Variants in SORCS2 observed in about 807,000 individuals in gnomAD.
SORCS2 encodes VPS10 domain-containing receptor SorCS2.
Under a neutral mutation model 141.6 loss-of-function variants are expected in SORCS2, and 100 were observed. The ratio of observed to expected loss-of-function variants is 0.71; its 90% confidence interval spans 0.60 to 0.83. SORCS2 has a LOEUF of 0.83. Among genes scored for constraint, SORCS2 ranks in the 40% least tolerant of loss-of-function variants. SORCS2 has a pLI of 0.00. For missense variants in SORCS2, 1,646 were observed against 1,560.2 expected, an observed-to-expected ratio of 1.05 and a Z score of -0.93; for synonymous variants, 789 against 676.9, an observed-to-expected ratio of 1.17 and a Z score of -2.57.
intron 3 of SORCS2, among the ~76,000 whole-genome samples, chr4:7,585,351 G>A: frequency 6.6e-6 from 1 of 152,196 alleles, no homozygotes; most frequent in South Asian, 2.1e-4. Flanking sequence ...GGTTTGGGCT[G>A]CGGTGTAGGA....
intron 14 of SORCS2, among the ~76,000 whole-genome samples, chr4:7,709,865 C>T (rs976077366): frequency 5.3e-5 from 8 of 152,120 alleles, no homozygotes; most frequent in Admixed American, 2.0e-4. Context: ...TGGGCTTGGG[C>T]GAGAGGTGGA....
chr4:7,644,614 A>G (rs73794354), intron 4 of SORCS2, among the ~76,000 whole-genome samples: 8,142 of 152,202 alleles, frequency 0.053, 566 homozygotes, highest in African/African-American at 0.16. Context: ...AGTGCCACCA[A>G]TCACATCCAA....
chr4:7,497,815 C>G (rs1279797223), intron 2 of SORCS2, among the ~76,000 whole-genome samples: 1 of 152,278 alleles, frequency 6.6e-6, no homozygotes, highest in Non-Finnish European at 1.5e-5. Context: ...GATACTGTCC[C>G]CTTTCCAGAA....
rs544590034 is a variant in SORCS2 at position 7,525,749 on chromosome 4, G to C, written c.549-5781G>C. On this transcript the variant is annotated intron_variant, in intron 2 of 26. Coordinates refer to ENST00000507866, the MANE Select transcript of SORCS2 (RefSeq NM_020777.3). ...CACCTGTCCCCTCCTGCAGTCACCT[G>C]TGCCCTCCTGCAATCACCTGTCCCC... is the stretch of plus-strand genomic sequence containing the variant. Among the ~76,000 whole-genome samples, 160 of 103,626 alleles carry C rather than the reference G, an allele frequency of 1.5e-3. 5 individuals are homozygous for C. The highest frequency in any genetic ancestry group is 1.7e-4 in the Non-Finnish European group (9 of 51,772). 68.0% of individuals were successfully genotyped at this position (103,626 alleles called of 152,430 possible).
At chr4:7,305,060 T>G in intron 1 of SORCS2, among the ~76,000 whole-genome samples, 1 of 147,342 alleles carries the variant, frequency 6.8e-6, no homozygotes, top group South Asian at 2.2e-4. Context: ...TGAGACAGAG[T>G]CTGGCTCTTT....
chr4:7,681,569 C>T (rs1046880262), intron 9 of SORCS2, among the ~76,000 whole-genome samples: 1 of 152,204 alleles, frequency 6.6e-6, no homozygotes, highest in African/African-American at 2.4e-5. Flanking sequence ...GCATGCCAGG[C>T]TTCTGCCCTC....
At chr4:7,262,873 G>C (rs560833787) in intron 1 of SORCS2, among the ~76,000 whole-genome samples, 2 of 152,340 alleles carry the variant, frequency 1.3e-5, no homozygotes, top group African/African-American at 2.4e-5. Context: ...TCAGGACACA[G>C]CCCAGACATT....
At chr4:7,499,293 T>G (rs2109424313) in intron 2 of SORCS2, among the ~76,000 whole-genome samples, 1 of 152,300 alleles carries the variant, frequency 6.6e-6, no homozygotes, top group South Asian at 2.1e-4. Flanking sequence ...GAAGCCGGAC[T>G]CTGGAGGACA....
chr4:7,618,511 G>A (rs908325445), intron 3 of SORCS2, among the ~76,000 whole-genome samples: 8 of 152,096 alleles, frequency 5.3e-5, no homozygotes, highest in South Asian at 4.2e-4. Flanking sequence ...TCCCGGGCCC[G>A]CACTCTGCCT....
chr4:7,670,045 T>C (rs1722708236), intron 8 of SORCS2, among the ~76,000 whole-genome samples: 1 of 152,244 alleles, frequency 6.6e-6, no homozygotes, highest in Non-Finnish European at 1.5e-5. Context: ...TTTTTAATTT[T>C]CTCATGTTAA....
At chr4:7,702,335 A>T (rs1329566651) in intron 12 of SORCS2, among the ~76,000 whole-genome samples, 5 of 152,162 alleles carry the variant, frequency 3.3e-5, no homozygotes, top group Non-Finnish European at 7.4e-5. Context: ...GCATGTTGAG[A>T]CATGCGCTGG....
rs992974686 is a variant in SORCS2, at chr4:7,646,519, A to G, written c.814-7615A>G. ...GACAGAGGCGGGAGTGGTGGTGCAC[A>G]CTGATACTCCCAGGCAGGAGGATCG... is the stretch of plus-strand genomic sequence containing the variant. On this transcript the variant is annotated intron_variant, in intron 4 of 26. Transcript: ENST00000507866. 2.6e-5 allele frequency among the ~76,000 whole-genome samples: 4 copies of G among 152,266 alleles called. No individual in the cohort carries two copies. The East Asian group carries it at 5.8e-4, about 22-fold the overall frequency.
Position 7,514,886 on chromosome 4 carries a change from G to A in SORCS2, c.549-16644G>A, listed in dbSNP as rs575594153. On this transcript the variant is annotated intron_variant, in intron 2 of 26. Coordinates refer to ENST00000507866, the MANE Select transcript of SORCS2 (RefSeq NM_020777.3). ...ATGGGACTGCTGGCATAGACTGTCC[G>A]CATGGCCTGGGGCCCTGGTAAGCAA... Among the ~76,000 whole-genome samples, 129 of 152,264 alleles carry A rather than the reference G, an allele frequency of 8.5e-4. 1 individual carries two copies. The highest frequency in any genetic ancestry group is 3.0e-3 in the African/African-American group (123 of 41,536).
chr4:7,270,286 G>C (rs1428299361), intron 1 of SORCS2, among the ~76,000 whole-genome samples: 1 of 152,264 alleles, frequency 6.6e-6, no homozygotes, highest in Non-Finnish European at 1.5e-5. Flanking sequence ...ACGCGTGTGG[G>C]TGCAGCACCC....
rs1726903830 is a variant in SORCS2, at chr4:7,192,574, C to T, written c.-73C>T. 13 of 984,444 alleles carry T rather than the reference C, an allele frequency of 1.3e-5. No individual in the cohort carries two copies. The highest frequency in any genetic ancestry group is 1.6e-5 in the Non-Finnish European group (13 of 829,312). The allele number at this position is 984,444 out of a possible 1,614,324, so 61.0% of individuals were successfully genotyped here. A position where few individuals can be genotyped will look rare whatever the true frequency, so the allele number is the denominator to read the frequency against. On this transcript the variant is annotated 5_prime_UTR_variant, in exon 1 of 27. Transcript: ENST00000507866. This position sits in a 1 kb window ranked among gnomAD's most constrained non-coding sequence, Gnocchi z 4.0. Reference sequence around the variant, plus strand: ...GCTCTCGCTCGCGCTCCCCAGCGCCCTCCTGCTCTCCCGGCCGCGGTCCCC... The same window carrying T: ...GCTCTCGCTCGCGCTCCCCAGCGCCTTCCTGCTCTCCCGGCCGCGGTCCCC...
chr4:7,607,864 G>A (rs1248334012), intron 3 of SORCS2, among the ~76,000 whole-genome samples: 2 of 152,084 alleles, frequency 1.3e-5, no homozygotes, highest in South Asian at 2.1e-4. Flanking sequence ...TGTCTCTACC[G>A]CATCAGCCTG....
intron 3 of SORCS2, among the ~76,000 whole-genome samples, chr4:7,575,892 T>A (rs565833672): frequency 6.6e-6 from 1 of 152,362 alleles, no homozygotes; most frequent in East Asian, 1.9e-4. Flanking sequence ...AGGTGAATTA[T>A]CTGTTGTTTC....
chr4:7,411,548 G>C (rs957610673), intron 2 of SORCS2, among the ~76,000 whole-genome samples: 1 of 151,058 alleles, frequency 6.6e-6, no homozygotes, highest in East Asian at 1.9e-4. Context: ...CCTTCCATTT[G>C]CTATCCATCC....
At chr4:7,516,493 G>C (rs1649142494) in intron 2 of SORCS2, among the ~76,000 whole-genome samples, 1 of 152,118 alleles carries the variant, frequency 6.6e-6, no homozygotes, top group African/African-American at 2.4e-5. Flanking sequence ...GAGGAACAGA[G>C]AACGCCGGGT....
Sources: allele counts gnomAD v4.1 joint callset (sites outside exome capture counted in the v4.1 genomes callset), GRCh38; gene constraint gnomAD v4.1.1; non-coding constraint Gnocchi (gnomAD v3.1); transcripts MANE v1.5; gene names NCBI Gene and HGNC (gene_info 2026-07-23, HGNC 2026-07-21).